Variants in MRPL13 observed in about 807,000 individuals in gnomAD.
MRPL13 encodes the protein large ribosomal subunit protein uL13m.
MRPL13 carries 33 observed loss-of-function variants against 29.0 expected under a neutral mutation model. That is an observed-to-expected ratio of 1.14 (90% CI 0.86 to 1.52). The LOEUF (loss-of-function observed/expected upper bound fraction) is 1.52, where lower values mean the gene tolerates loss of function less well. Ranked by LOEUF, MRPL13 falls within the 40% of genes most tolerant of loss-of-function variation. The pLI is 0.00. For missense variants in MRPL13, 227 were observed against 216.7 expected, an observed-to-expected ratio of 1.05 and a Z score of -0.30; for synonymous variants, 77 against 68.4, an observed-to-expected ratio of 1.13 and a Z score of -0.62.
chr8:120,442,483 TCA>T (rs1384638451), intron 2 of MRPL13, among the ~76,000 whole-genome samples: 19 of 152,196 alleles, frequency 1.2e-4, no homozygotes, highest in Admixed American at 7.2e-4. Flanking sequence ...CTTTAAAATA[TCA>T]CATATTTTTA....
chr8:120,440,350 G>A (rs933549134), intron 2 of MRPL13, among the ~76,000 whole-genome samples: 1 of 152,154 alleles, frequency 6.6e-6, no homozygotes, highest in African/African-American at 2.4e-5. Context: ...GGTGGCTCAC[G>A]CCTGTAAGCA....
chr8:120,438,222 G>T (rs867070795), intron 2 of MRPL13, among the ~76,000 whole-genome samples: 1 of 152,044 alleles, frequency 6.6e-6, no homozygotes, highest in African/African-American at 2.4e-5. Context: ...AACTTAGCTG[G>T]GTATGATGGT....
chr8:120,417,742 C>G (rs1210020344), intron 5 of MRPL13, among the ~76,000 whole-genome samples: 1 of 152,006 alleles, frequency 6.6e-6, no homozygotes, highest in Non-Finnish European at 1.5e-5. Flanking sequence ...TATTATTTCA[C>G]TATTATAAAT....
chr8:120,398,966 G>A (rs954148430), intron 6 of MRPL13, among the ~76,000 whole-genome samples: 3 of 151,382 alleles, frequency 2.0e-5, no homozygotes, highest in African/African-American at 7.3e-5. Flanking sequence ...GAATGAAAAG[G>A]AATGAACAAA....
chr8:120,419,619 T>C (rs1586922548), intron 5 of MRPL13: 3 of 274,838 alleles, frequency 1.1e-5, no homozygotes, highest in African/African-American at 2.2e-5. Context: ...TGATTAAAAT[T>C]TTTTTTAAAA....
intron 6 of MRPL13, among the ~76,000 whole-genome samples, chr8:120,411,220 C>G (rs1289951024): frequency 6.6e-6 from 1 of 152,088 alleles, no homozygotes; most frequent in Non-Finnish European, 1.5e-5. Context: ...TGCTAACACA[C>G]CTGGCTAATT....
intron 3 of MRPL13, among the ~76,000 whole-genome samples, chr8:120,426,030 T>C (rs1370931749): frequency 2.6e-5 from 4 of 152,098 alleles, no homozygotes; most frequent in African/African-American, 9.7e-5. Context: ...CAGTGTAATA[T>C]CAGGCAACTC....
intron 2 of MRPL13, among the ~76,000 whole-genome samples, chr8:120,442,845 C>G (rs1420310182): frequency 6.6e-6 from 1 of 152,176 alleles, no homozygotes; most frequent in African/African-American, 2.4e-5. Flanking sequence ...CTTAAAAACT[C>G]TTTATATGGA....
At position 120,421,106 on chromosome 8, in the gene MRPL13, G is replaced by A. The variant is rs560410035; in HGVS notation, c.307-1168C>T. Among the ~76,000 whole-genome samples, 5 of 151,930 alleles carry A rather than the reference G, an allele frequency of 3.3e-5. No homozygotes were observed. The South Asian group carries it at 1.0e-3, about 31-fold the overall frequency. On this transcript the variant is annotated intron_variant, in intron 4 of 6. Transcript: ENST00000306185. ...AGTAAAAAAAATAGAATAAGATAAA[G>A]TTAGTAAATATCAAAGACCTTCCTC... is the stretch of plus-strand genomic sequence containing the variant.
intron 6 of MRPL13, among the ~76,000 whole-genome samples, chr8:120,404,060 CA>C (rs1812636565): frequency 6.6e-6 from 1 of 152,208 alleles, no homozygotes; most frequent in Non-Finnish European, 1.5e-5. Flanking sequence ...ATGACAGCTA[CA>C]CGCGGCTCCA....
At chr8:120,443,147 A>G in intron 2 of MRPL13, 38 bp downstream of exon 2, 1 of 1,446,856 alleles carries the variant, frequency 6.9e-7, no homozygotes, top group Non-Finnish European at 9.2e-7. Flanking sequence ...TGGCATGAAA[A>G]CTACAGTGGT....
At chr8:120,419,667 T>C in intron 5 of MRPL13, 185 bp downstream of exon 5, 1 of 375,520 alleles carries the variant, frequency 2.7e-6, no homozygotes, top group Non-Finnish European at 4.6e-6. Context: ...TGGTTCATTT[T>C]ACATTTTAAA....
At chr8:120,418,100 T>C (rs1416704874) in intron 5 of MRPL13, among the ~76,000 whole-genome samples, 2 of 152,134 alleles carry the variant, frequency 1.3e-5, no homozygotes, top group Non-Finnish European at 2.9e-5. Flanking sequence ...TATATGCTTG[T>C]GTGTATGTAA....
At chr8:120,427,646 A>G (rs557464107) in intron 3 of MRPL13, among the ~76,000 whole-genome samples, 1 of 152,166 alleles carries the variant, frequency 6.6e-6, no homozygotes, top group African/African-American at 2.4e-5. Flanking sequence ...CTATAATGAG[A>G]ACTACAAACT....
chr8:120,397,240 C>G (rs576573213), intron 6 of MRPL13, among the ~76,000 whole-genome samples: 7 of 152,050 alleles, frequency 4.6e-5, no homozygotes, highest in Non-Finnish European at 1.0e-4. Flanking sequence ...CTTGGCAGAG[C>G]AGTTGCTCAG....
chr8:120,444,842 A>G lies in MRPL13; in HGVS notation c.27+226T>C, dbSNP rs937839943. On this transcript the variant is annotated intron_variant, in intron 1 of 6. Transcript: ENST00000306185. ...TAATCCTCTTCCCCCCGCCCCCCCA[A>G]GAAAGACATGAAAAGGGCAGATTGA... The G allele has an allele frequency of 6.2e-5, 24 of 384,082 alleles. No individual in the cohort carries two copies. In the Admixed American group the frequency reaches 7.2e-4, roughly 11 times the overall value. 23.8% of individuals were successfully genotyped at this position (384,082 alleles called of 1,614,324 possible).
chr8:120,395,689 C>G lies in MRPL13; in HGVS notation c.*415G>C, dbSNP rs925301560. On this transcript the variant is annotated 3_prime_UTR_variant, in exon 7 of 7. Transcript: ENST00000306185. ...TGGATGACAAGTTAGATAAAAAAAG[C>G]CACTGAAATGAAAAGTGAAGGTAGA... The G allele has an allele frequency of 6.4e-6, 1 of 155,870 alleles. No homozygotes were observed. The allele number at this position is 155,870 out of a possible 1,614,324, so 9.7% of individuals were successfully genotyped here.
At chr8:120,414,154 C>G in intron 5 of MRPL13, 42 bp from the exon 6 acceptor site, 1 of 1,373,488 alleles carries the variant, frequency 7.3e-7, no homozygotes. Flanking sequence ...CTTAAAATAT[C>G]TTTCTTAGCA....
At chr8:120,438,899 T>G (rs1813084209) in intron 2 of MRPL13, among the ~76,000 whole-genome samples, 2 of 152,242 alleles carry the variant, frequency 1.3e-5, no homozygotes, top group Non-Finnish European at 2.9e-5. Context: ...GGTAATTCTA[T>G]GACTATTTTT....
Sources: allele counts gnomAD v4.1 joint callset (sites outside exome capture counted in the v4.1 genomes callset), GRCh38; gene constraint gnomAD v4.1.1; transcripts MANE v1.5; gene names NCBI Gene and HGNC (gene_info 2026-07-23, HGNC 2026-07-21).